The following CSMD2 variants were observed in gnomAD, a reference collection of about 807,000 sequenced individuals.
CSMD2 encodes the protein CUB and Sushi multiple domains 2.
In CSMD2, 130 loss-of-function variants were observed where a neutral mutation model predicts 398.5. That is an observed-to-expected ratio of 0.33 (90% CI 0.28 to 0.38). The LOEUF is 0.38. Among genes scored for constraint, CSMD2 ranks in the 10% least tolerant of loss-of-function variants. The pLI is 1.00. For missense variants in CSMD2, 3,829 were observed against 4,764.9 expected, an observed-to-expected ratio of 0.80 and a Z score of 5.78; for synonymous variants, 1,828 against 1,908.5, an observed-to-expected ratio of 0.96 and a Z score of 1.10.
At chr1:34,039,909 T>A (rs1011103680) in intron 2 of CSMD2, among the ~76,000 whole-genome samples, 3 of 152,092 alleles carry the variant, frequency 2.0e-5, no homozygotes, top group Non-Finnish European at 4.4e-5. Flanking sequence ...TCCCAGCACT[T>A]TGGGAGGCCA....
intron 2 of CSMD2, among the ~76,000 whole-genome samples, chr1:34,053,839 C>G (rs1159281839): frequency 6.6e-6 from 1 of 152,158 alleles, no homozygotes; most frequent in Non-Finnish European, 1.5e-5. Flanking sequence ...GAAAGATGAG[C>G]TAGACTTTAT....
intron 5 of CSMD2, chr1:33,864,233 T>G: frequency 6.2e-7 from 1 of 1,612,462 alleles, no homozygotes; most frequent in Non-Finnish European, 8.5e-7. Flanking sequence ...CAAATGTCTC[T>G]TCTTACGTTC....
At chr1:33,751,216 A>G (rs1220582176) in intron 13 of CSMD2, among the ~76,000 whole-genome samples, 1 of 152,174 alleles carries the variant, frequency 6.6e-6, no homozygotes, top group Non-Finnish European at 1.5e-5. Context: ...GGAAAAAAAA[A>G]AAAGATGGCA....
intron 2 of CSMD2, among the ~76,000 whole-genome samples, chr1:34,073,117 G>A (rs1372154391): frequency 6.6e-5 from 10 of 152,154 alleles, no homozygotes; most frequent in Non-Finnish European, 1.2e-4. Context: ...AATGATCAGC[G>A]GGTTTTGTCT....
intron 3 of CSMD2, among the ~76,000 whole-genome samples, chr1:33,974,808 A>C (rs1436432049): frequency 6.6e-6 from 1 of 152,184 alleles, no homozygotes; most frequent in Non-Finnish European, 1.5e-5. Flanking sequence ...AGTCCCACAG[A>C]ACGGAAGGAG....
At chr1:34,036,934 T>C (rs1019305799) in intron 2 of CSMD2, among the ~76,000 whole-genome samples, 1 of 152,162 alleles carries the variant, frequency 6.6e-6, no homozygotes, top group Non-Finnish European at 1.5e-5. Flanking sequence ...ACACATACAG[T>C]ACCCTTGCCT....
intron 1 of CSMD2, among the ~76,000 whole-genome samples, chr1:34,161,621 T>A (rs1641335481): frequency 1.3e-5 from 2 of 152,100 alleles, no homozygotes; most frequent in African/African-American, 4.8e-5. Context: ...AAAGATAAAG[T>A]ACAATGTATT....
Position 33,698,905 on chromosome 1 carries a change from T to A in CSMD2, c.3773A>T (p.Lys1258Met), listed in dbSNP as rs772832362. 6.2e-7 allele frequency: 1 copy of A among 1,614,068 alleles called. No homozygotes were observed. The highest frequency in any genetic ancestry group is 1.1e-5 in the South Asian group (1 of 91,050). Residue 1258 changes from lysine (K) to methionine (M), a missense_variant, in exon 24 of 71, where the codon AAG (lysine) becomes ATG (methionine). This residue lies in a region of CSMD2 where 2,001 missense variants were observed against 2,567.1 expected (regional missense o/e 0.78). Transcript: ENST00000373381. The part of the protein sequence containing the change: ...LIKCEDPGTP[K>M]FGYKVHDEGH... ...TTCATCATGAACCTTGTAGCCAAAC[T>A]TGGGGGTTCCTGGGTCCTCACATTT...
At chr1:34,062,811 A>G (rs918534997) in intron 2 of CSMD2, among the ~76,000 whole-genome samples, 1 of 152,248 alleles carries the variant, frequency 6.6e-6, no homozygotes, top group African/African-American at 2.4e-5. Context: ...AACTGGCTAT[A>G]GAAACCTATG....
chr1:33,517,886 TG>T (rs1653903044), intron 70 of CSMD2, among the ~76,000 whole-genome samples: 1 of 152,238 alleles, frequency 6.6e-6, no homozygotes, highest in Non-Finnish European at 1.5e-5. Context: ...TTGCTGCTCT[TG>T]TAACCCCCTC....
At chr1:33,593,289 T>C (rs1639596600) in intron 44 of CSMD2, among the ~76,000 whole-genome samples, 1 of 152,256 alleles carries the variant, frequency 6.6e-6, no homozygotes, top group African/African-American at 2.4e-5. Flanking sequence ...TTGTCTTAGT[T>C]ATGTTCCTGG....
At chr1:34,123,297 ACGG>A (rs1662385265) in intron 1 of CSMD2, among the ~76,000 whole-genome samples, 1 of 152,156 alleles carries the variant, frequency 6.6e-6, no homozygotes, top group Non-Finnish European at 1.5e-5. Flanking sequence ...ACCCAAGAGG[ACGG>A]GGTCCAGAGA....
chr1:33,648,587 C>T (rs552456924), intron 28 of CSMD2, among the ~76,000 whole-genome samples: 1 of 152,100 alleles, frequency 6.6e-6, no homozygotes, highest in Non-Finnish European at 1.5e-5. Flanking sequence ...TTTATGGATG[C>T]TCCAGACATT....
intron 2 of CSMD2, among the ~76,000 whole-genome samples, chr1:34,060,817 C>T (rs1654407295): frequency 6.6e-6 from 1 of 152,118 alleles, no homozygotes; most frequent in Non-Finnish European, 1.5e-5. Context: ...GCTGTGAAGG[C>T]TTGGAAAGCA....
Position 33,538,730 on chromosome 1 carries a change from T to C in CSMD2, c.9632-1121A>G, listed in dbSNP as rs548341039. On this transcript the variant is annotated intron_variant, in intron 60 of 70. Transcript: ENST00000373381. ...GTGGCCTTTCTCATAAGCAATGTGA[T>C]GCCAATTAAAGTAATGAGCGATCTT... 1.3e-5 allele frequency among the ~76,000 whole-genome samples: 2 copies of C among 152,302 alleles called. 1 individual carries two copies. The highest frequency in any genetic ancestry group is 4.1e-4 in the South Asian group (2 of 4,826).
chr1:33,864,678 C>A (rs767820761), intron 5 of CSMD2: 2 of 1,613,784 alleles, frequency 1.2e-6, no homozygotes, highest in Non-Finnish European at 1.7e-6. Flanking sequence ...CTACCGTAAA[C>A]AATGTAATGC....
Position 33,661,116 on chromosome 1 carries a change from C to T in CSMD2, c.4255+1774G>A, listed in dbSNP as rs61157052. 4.3e-3 allele frequency among the ~76,000 whole-genome samples: 656 copies of T among 152,286 alleles called. 27 individuals carry two copies. In the East Asian group the frequency reaches 0.11, roughly 25 times the overall value. On this transcript the variant is annotated intron_variant, in intron 26 of 70. Transcript: ENST00000373381. ...AGGAGAGCACCCAGGGACTCTGTCC[C>T]GCGTGGCTACACTGAGTATGCAGTC...
At chr1:33,561,787 G>T (rs1046141081) in intron 53 of CSMD2, among the ~76,000 whole-genome samples, 1 of 152,174 alleles carries the variant, frequency 6.6e-6, no homozygotes, top group Admixed American at 6.5e-5. Flanking sequence ...GGTCAAGAAG[G>T]TGGTGGGAGA....
chr1:33,530,297 A>G (rs1272367895), intron 64 of CSMD2, among the ~76,000 whole-genome samples: 2 of 152,216 alleles, frequency 1.3e-5, no homozygotes, highest in Non-Finnish European at 2.9e-5. Context: ...CTGAATAGAC[A>G]TTTCTGAAAA....
Sources: gnomAD v4.1 joint callset for allele counts (sites outside exome capture counted in the v4.1 genomes callset) on GRCh38, gnomAD v4.1.1 for gene constraint, gnomAD v4.1.1 regional missense constraint, MANE v1.5 for transcripts, NCBI Gene and HGNC (gene_info 2026-07-23, HGNC 2026-07-21) for gene names.